Variants in SETD1B observed in about 807,000 individuals in gnomAD.
The protein encoded by SETD1B is SET domain containing 1B, histone lysine methyltransferase, also known as histone-lysine N-methyltransferase SETD1B.
A neutral mutation model predicts 148.0 loss-of-function variants in SETD1B; 7 were observed. That is an observed-to-expected ratio of 0.05 (90% CI 0.03 to 0.09). SETD1B has a LOEUF of 0.09. SETD1B is among the 10% of genes least tolerant of loss of function. The pLI is 1.00. For synonymous variants in SETD1B, 1,361 were observed against 1,186.5 expected, an observed-to-expected ratio of 1.15 and a Z score of -3.02; for missense variants, 2,155 against 2,729.9, an observed-to-expected ratio of 0.79 and a Z score of 4.69.
chr12:121,823,806 A>T (rs1592989482), intron 12 of SETD1B, 57 bp downstream of exon 12: 5 of 1,487,624 alleles, frequency 3.4e-6, no homozygotes, highest in Non-Finnish European at 4.5e-6. Context: ...GTCCCTGCTC[A>T]CCTCTCTGGG....
chr12:121,826,418 C>G (rs1262056632), intron 13 of SETD1B, among the ~76,000 whole-genome samples: 1 of 152,134 alleles, frequency 6.6e-6, no homozygotes, highest in African/African-American at 2.4e-5. Context: ...GAAAAAGCGA[C>G]TTCCATAAAA....
In SETD1B at chr12:121,825,234, G is replaced by A. The variant is rs536850837; in HGVS notation, c.5205G>A (p.Arg1735=). 1.7e-5 allele frequency: 27 copies of A among 1,551,694 alleles called. No homozygotes were observed. In the South Asian group the frequency reaches 3.0e-4, roughly 17 times the overall value. Residue 1735 remains arginine (R), a synonymous_variant, in exon 13 of 17, where the codon CGG becomes CGA. Transcript: ENST00000604567. ...TSLSSAKKKK[R]DDGIREHVTG... is the part of the protein sequence containing the mutation. ...TCTCTTCAGCTAAGAAGAAGAAACG[G>A]GACGATGGCATCCGCGAGCACGTGA...
rs1877051706 is a variant in SETD1B at position 121,830,658 on chromosome 12, G to C, written c.*419G>C. The C allele has an allele frequency of 6.3e-6, 1 of 157,756 alleles. No individual in the cohort carries two copies. Among genetic ancestry groups the C allele is most frequent in the African/African-American group, 2.4e-5 (1 of 41,538 alleles). The allele number at this position is 157,756 out of a possible 1,614,324, so 9.8% of individuals were successfully genotyped here. ...TTGTGAGAAAAGACATTTAACCGTT[G>C]AAATGTGAAGGTGGAATCAGAGAGG... On this transcript the variant is annotated 3_prime_UTR_variant, in exon 17 of 17. Transcript: ENST00000604567. The surrounding 1 kb of genome is among the most constrained non-coding windows in gnomAD (Gnocchi z 5.7).
chr12:121,817,029 C>T lies in SETD1B; in HGVS notation c.2716-4C>T. 1 of 1,511,212 alleles carries T rather than the reference C, an allele frequency of 6.6e-7. No individual in the cohort carries two copies. The highest frequency in any genetic ancestry group is 8.9e-7 in the Non-Finnish European group (1 of 1,122,582). 93.6% of individuals were successfully genotyped at this position (1,511,212 alleles called of 1,614,324 possible). Reference sequence around the variant, plus strand: ...GTGACGGTCCCCTCCTGTCTCCACCCCAGGCCTCGCTGACCCCGGTGAAGT... The same window carrying T: ...GTGACGGTCCCCTCCTGTCTCCACCTCAGGCCTCGCTGACCCCGGTGAAGT... On this transcript the variant is annotated splice_region_variant and splice_polypyrimidine_tract_variant and intron_variant, in intron 7 of 16. Transcript: ENST00000604567. The surrounding 1 kb of genome is among the most constrained non-coding windows in gnomAD (Gnocchi z 8.1).
At chr12:121,825,055 C>A in intron 12 of SETD1B, 145 bp from the exon 13 acceptor site, 3 of 748,112 alleles carry the variant, frequency 4.0e-6, no homozygotes, top group East Asian at 2.8e-5. Flanking sequence ...GGTCAGCGGG[C>A]AGCCACGTGG....
At chr12:121,797,471 T>A in the SETD1B span, 6 of 455,580 alleles carry the variant, frequency 1.3e-5, no homozygotes, top group Non-Finnish European at 2.6e-5. Flanking sequence ...GAGGTGATGG[T>A]GGGGGGACAA....
rs1875622657 is a variant in SETD1B at position 121,804,636 on chromosome 12, G to C, written c.-14-88G>C. On this transcript the variant is annotated intron_variant, in intron 1 of 16. Transcript: ENST00000604567. The surrounding 1 kb of genome is among the most constrained non-coding windows in gnomAD (Gnocchi z 4.6). ...CGCTGGCAAGGTGGGAGGGGGTGGG[G>C]GCCTGCCGATTGGATTCTTTCGCGT... 1 of 1,159,488 alleles carries C rather than the reference G, an allele frequency of 8.6e-7. No homozygotes were observed. Among genetic ancestry groups the C allele is most frequent in the Non-Finnish European group, 1.2e-6 (1 of 822,656 alleles). 71.8% of individuals were successfully genotyped at this position (1,159,488 alleles called of 1,614,324 possible).
chr12:121,825,147 A>C (rs1876777801), intron 12 of SETD1B, 53 bp from the exon 13 acceptor site: 10 of 1,528,624 alleles, frequency 6.5e-6, no homozygotes, highest in Admixed American at 4.0e-5. Flanking sequence ...CAGTCTATGA[A>C]GGGACCAGAA....
At chr12:121,807,495 C>T (rs1026199654) in intron 4 of SETD1B, among the ~76,000 whole-genome samples, 4 of 151,818 alleles carry the variant, frequency 2.6e-5, no homozygotes, top group African/African-American at 7.3e-5. Context: ...ACACAAAAGC[C>T]CTCAGAGACT....
the SETD1B span, among the ~76,000 whole-genome samples, chr12:121,798,825 G>A: frequency 7.2e-5 from 11 of 152,310 alleles, no homozygotes; most frequent in Admixed American, 2.0e-4. Context: ...ACCAAGGGCC[G>A]CCATCTCCAG....
In SETD1B at chr12:121,830,137, T is replaced by A. The variant is rs1445834377; in HGVS notation, c.5799T>A (p.Ile1933=). Residue 1933 remains isoleucine (I), a synonymous_variant, in exon 17 of 17, where the codon ATT becomes ATA. Coordinates refer to ENST00000604567, the MANE Select transcript of SETD1B (RefSeq NM_001353345.2). This position sits in a 1 kb window ranked among gnomAD's most constrained non-coding sequence, Gnocchi z 5.7. ...KKIVIYSKQH[I]NVNEEITYDY... ...TAGTCATCTACTCGAAGCAGCACATTAACGTCAATGAGGAGATTACCTATG... is the reference window on the plus strand; with the variant it reads ...TAGTCATCTACTCGAAGCAGCACATAAACGTCAATGAGGAGATTACCTATG... 8 of 1,551,348 alleles carry A rather than the reference T, an allele frequency of 5.2e-6. No individual in the cohort carries two copies. The highest frequency in any genetic ancestry group is 2.6e-6 in the Non-Finnish European group (3 of 1,146,838).
In SETD1B at chr12:121,829,817, T is replaced by C. The variant is rs564206544; in HGVS notation, c.5728-249T>C. Among the ~76,000 whole-genome samples the C allele has an allele frequency of 5.3e-5, 8 of 152,276 alleles. No homozygotes were observed. In the East Asian group the frequency reaches 1.4e-3, roughly 26 times the overall value. ...ACCTGAGCTAAAAATAGACATACAT[T>C]TGGGAGGCACTTGTACTACGAATGG... is the stretch of plus-strand genomic sequence containing the variant. On this transcript the variant is annotated intron_variant, in intron 16 of 16. Transcript: ENST00000604567.
At chr12:121,794,085 G>A in the SETD1B span, 1 of 161,694 alleles carries the variant, frequency 6.2e-6, no homozygotes, top group South Asian at 1.7e-4. Context: ...AGAAGCCCCC[G>A]GCCTCCAGCT....
At chr12:121,797,487 G>A in the SETD1B span, 18 of 456,458 alleles carry the variant, frequency 3.9e-5, no homozygotes, top group Non-Finnish European at 7.5e-5. Context: ...GACAAAGAAA[G>A]AAGAGGGACC....
upstream of SETD1B, chr12:121,799,114 G>GCCCCCCTTCC (rs1555335152): frequency 3.9e-5 from 6 of 152,110 alleles, no homozygotes; most frequent in African/African-American, 1.4e-4. Flanking sequence ...TTTTCAGTGA[G>GCCCCCCTTCC]CCCCCCTTCC....
the SETD1B span, chr12:121,795,300 T>C: frequency 6.6e-6 from 1 of 152,280 alleles, no homozygotes; most frequent in Non-Finnish European, 1.5e-5. Flanking sequence ...TGAGAGGCAG[T>C]TGTGCTCCAG....
At chr12:121,826,988 C>T (rs1015637967) in intron 13 of SETD1B, among the ~76,000 whole-genome samples, 9 of 151,780 alleles carry the variant, frequency 5.9e-5, no homozygotes, top group African/African-American at 2.2e-4. Flanking sequence ...GTGGGTATGG[C>T]GGAGCTTAGG....
chr12:121,804,666 G>A lies in SETD1B; in HGVS notation c.-14-58G>A. On this transcript the variant is annotated intron_variant, in intron 1 of 16. Coordinates refer to ENST00000604567, the MANE Select transcript of SETD1B (RefSeq NM_001353345.2). The surrounding 1 kb of genome is among the most constrained non-coding windows in gnomAD (Gnocchi z 4.6). ...GCCGATTGGATTCTTTCGCGTGTGT[G>A]TAGAAGCGGCCGCCGCCGCCGCCGC... is the stretch of plus-strand genomic sequence containing the variant. 1.4e-6 allele frequency: 2 copies of A among 1,474,012 alleles called. No homozygotes were observed. The highest frequency in any genetic ancestry group is 1.8e-6 in the Non-Finnish European group (2 of 1,088,470). 91.3% of individuals were successfully genotyped at this position (1,474,012 alleles called of 1,614,324 possible).
rs771086732 is a variant in SETD1B at position 121,810,627 on chromosome 12, C to T, written c.1682C>T (p.Ser561Leu). The T allele has an allele frequency of 1.0e-5, 16 of 1,548,326 alleles. No homozygotes were observed. The highest frequency in any genetic ancestry group is 5.5e-5 in the African/African-American group (4 of 73,048). Residue 561 changes from serine to leucine, a missense_variant, in exon 6 of 17, where the codon TCG (serine) becomes TTG (leucine). Ser to Leu is a moderately radical substitution (Grantham distance 145). Transcript: ENST00000604567. This position sits in a 1 kb window ranked among gnomAD's most constrained non-coding sequence, Gnocchi z 7.6. ...GGCTTCCGGGGCCCCACGCCCCCCT[C>T]GTCACGCCCCTCCAGCACCGGCCTG... is the stretch of plus-strand genomic sequence containing the variant. ...QPGFRGPTPPSSRPSSTGLED... is the reference protein window; with the variant it reads ...QPGFRGPTPPLSRPSSTGLED...
Sources: gnomAD v4.1 joint callset for allele counts (sites outside exome capture counted in the v4.1 genomes callset) on GRCh38, gnomAD v4.1.1 for gene constraint, Gnocchi (gnomAD v3.1) non-coding constraint, MANE v1.5 for transcripts, NCBI Gene and HGNC (gene_info 2026-07-23, HGNC 2026-07-21) for gene names.